Variants in PLEKHA4 observed in about 807,000 individuals in gnomAD.
PLEKHA4 encodes pleckstrin homology domain-containing family A member 4.
PLEKHA4 carries 73 observed loss-of-function variants against 94.7 expected under a neutral mutation model. That is an observed-to-expected ratio of 0.77 (90% CI 0.64 to 0.94). The LOEUF is 0.94. Ranked by LOEUF, PLEKHA4 falls within the 40% of genes least tolerant of loss-of-function variation. The pLI, the probability that PLEKHA4 is intolerant of heterozygous loss-of-function variation, is 0.00. For synonymous variants in PLEKHA4, 449 were observed against 437.1 expected (o/e 1.03, Z -0.34); for missense variants, 1,049 against 1,054.1 (o/e 1.00, Z 0.07).
intron 12 of PLEKHA4, among the ~76,000 whole-genome samples, chr19:48,852,588 C>A (rs2036240275): frequency 6.6e-6 from 1 of 152,086 alleles, no homozygotes; most frequent in Non-Finnish European, 1.5e-5. Flanking sequence ...TCTGCTCTCT[C>A]CTAGGTAGCA....
At chr19:48,863,059 C>T (rs2036704337) in intron 3 of PLEKHA4, among the ~76,000 whole-genome samples, 2 of 151,754 alleles carry the variant, frequency 1.3e-5, no homozygotes, top group Non-Finnish European at 1.5e-5. Context: ...AACTACTCAT[C>T]GCCTCTGCCT....
chr19:48,839,245 C>T lies in PLEKHA4; in HGVS notation c.1924G>A (p.Gly642Arg). ...VEQRPVVGHS[G>R]AQKWLRSSGS... is the part of the protein sequence containing the mutation. ...GAGCTTCTGAGCCATTTCTGGGCTCCCGAGTGTCCTACGACAGGCTGGAAA... is the reference window on the plus strand; with the variant it reads ...GAGCTTCTGAGCCATTTCTGGGCTCTCGAGTGTCCTACGACAGGCTGGAAA... The change falls in exon 18 of 20, where the codon GGA (glycine) becomes AGA (arginine). Residue 642 changes from glycine to arginine, a missense_variant. Transcript: ENST00000263265. 6.3e-7 allele frequency: 1 copy of T among 1,594,240 alleles called. No homozygotes were observed. Among genetic ancestry groups the T allele is most frequent in the Non-Finnish European group, 8.6e-7 (1 of 1,167,002 alleles).
intron 2 of PLEKHA4, among the ~76,000 whole-genome samples, chr19:48,866,269 C>T (rs570657878): frequency 2.0e-5 from 3 of 151,518 alleles, no homozygotes; most frequent in South Asian, 2.1e-4. Flanking sequence ...TTGTAGGGGA[C>T]GGGGGTCTCA....
At chr19:48,857,616 C>G in intron 8 of PLEKHA4, 120 bp from the exon 9 acceptor site, 2 of 646,512 alleles carry the variant, frequency 3.1e-6, no homozygotes, top group South Asian at 3.3e-5. Context: ...TGACCTTACC[C>G]CCAACCCTGT....
At chr19:48,862,323 C>T (rs1421008126) in intron 3 of PLEKHA4, among the ~76,000 whole-genome samples, 1 of 151,088 alleles carries the variant, frequency 6.6e-6, no homozygotes, top group East Asian at 2.0e-4. Context: ...GCCTCAGCCT[C>T]CCGAGTAACT....
rs1045015565 is a variant in PLEKHA4 at position 48,854,086 on chromosome 19, G to A, written c.1097C>T (p.Thr366Met). 9.3e-6 allele frequency: 15 copies of A among 1,614,022 alleles called. No individual in the cohort carries two copies. Among genetic ancestry groups the A allele is most frequent in the East Asian group, 2.2e-5 (1 of 44,894 alleles). Residue 366 changes from threonine (T) to methionine (M), a missense_variant and splice_region_variant, in exon 11 of 20, where the codon ACG becomes ATG. Transcript: ENST00000263265. Reference sequence around the variant, plus strand: ...CTGCCCGCACAACTTGGTCAGCAGCGTCTGGAGAAAGGAGAGCGGGAGCTA... The same window carrying A: ...CTGCCCGCACAACTTGGTCAGCAGCATCTGGAGAAAGGAGAGCGGGAGCTA... Reference protein sequence around the residue: ...STFHQSLETDTLLTKLCGQDR... With the variant: ...STFHQSLETDMLLTKLCGQDR...
At position 48,837,420 on chromosome 19, in the gene PLEKHA4, G is replaced by C. The variant is rs200549837; in HGVS notation, c.2209C>G (p.Arg737Gly). ...ANSGSTGFSRRGSGRGGGPTP... is the reference protein window; with the variant it reads ...ANSGSTGFSRGGSGRGGGPTP... Reference sequence around the variant, plus strand: ...GGACCTCCTCCACGCCCACTCCCTCGGCGAGAGAACCCCGTGGAACCCGAA... The same window carrying C: ...GGACCTCCTCCACGCCCACTCCCTCCGCGAGAGAACCCCGTGGAACCCGAA... The change falls in exon 20 of 20, where the codon CGA becomes GGA. Residue 737 changes from arginine to glycine, a missense_variant. By Grantham distance (125) the Arg-to-Gly change is moderately radical (BLOSUM62 -2). Coordinates refer to ENST00000263265, the MANE Select transcript of PLEKHA4 (RefSeq NM_020904.3). This position sits in a 1 kb window ranked among gnomAD's most constrained non-coding sequence, Gnocchi z 4.3. The C allele has an allele frequency of 5.6e-6, 9 of 1,613,454 alleles. No individual in the cohort carries two copies. Among genetic ancestry groups the C allele is most frequent in the Admixed American group, 1.7e-5 (1 of 59,902 alleles).
chr19:48,861,619 C>A lies in PLEKHA4; in HGVS notation c.265+1G>T, dbSNP rs2036644602. On this transcript the variant is annotated splice_donor_variant, in intron 4 of 19. Transcript: ENST00000263265. LOFTEE classifies it high-confidence loss of function. ...CCCAAGCCAGCCAGCCAGCCACTGACCCTTGTAATAAAAGAGGCAATGGCC... is the reference window on the plus strand; with the variant it reads ...CCCAAGCCAGCCAGCCAGCCACTGAACCTTGTAATAAAAGAGGCAATGGCC... 1 of 1,614,178 alleles carries A rather than the reference C, an allele frequency of 6.2e-7. No individual in the cohort carries two copies. Among genetic ancestry groups the A allele is most frequent in the Admixed American group, 1.7e-5 (1 of 60,018 alleles).
Position 48,845,398 on chromosome 19 carries a change from TGGC to T in PLEKHA4, c.1712_1714del (p.Arg571del). Reference sequence around the variant, plus strand: ...GGTTCCTAGCTGTGGGGAAGGGAGGTGGCGACCCTCAGGGCTGGAAGCCCGGGA... The same window carrying T: ...GGTTCCTAGCTGTGGGGAAGGGAGGTGACCCTCAGGGCTGGAAGCCCGGGA... On this transcript the variant is annotated inframe_deletion, in exon 16 of 20. Coordinates refer to ENST00000263265, the MANE Select transcript of PLEKHA4 (RefSeq NM_020904.3). 6.2e-7 allele frequency: 1 copy of T among 1,613,068 alleles called. No individual in the cohort carries two copies. The highest frequency in any genetic ancestry group is 8.5e-7 in the Non-Finnish European group (1 of 1,179,968).
chr19:48,866,390 C>T (rs1226791660), intron 2 of PLEKHA4, among the ~76,000 whole-genome samples: 1 of 151,976 alleles, frequency 6.6e-6, no homozygotes, highest in African/African-American at 2.4e-5. Context: ...CACTGCAACC[C>T]CTGCCTCTCG....
In PLEKHA4 at chr19:48,847,783, T is replaced by G. The variant is rs115880479; in HGVS notation, c.1566+117A>C. The G allele has an allele frequency of 4.6e-4, 570 of 1,242,224 alleles. 1 individual carries two copies. In the African/African-American group the frequency reaches 7.8e-3, roughly 17 times the overall value. The allele number at this position is 1,242,224 out of a possible 1,614,324, so 77.0% of individuals were successfully genotyped here. On this transcript the variant is annotated intron_variant, in intron 14 of 19. Transcript: ENST00000263265. The stretch of plus-strand genomic sequence containing the variant: ...CAAAGGCTTCCAGAGGTTAGGACAC[T>G]TGTACCAGGTGGGTTAGCTGATCAA...
chr19:48,860,479 G>T lies in PLEKHA4; in HGVS notation c.367-20C>A. 5 of 1,591,930 alleles carry T rather than the reference G, an allele frequency of 3.1e-6. No homozygotes were observed. Among genetic ancestry groups the T allele is most frequent in the Non-Finnish European group, 4.3e-6 (5 of 1,160,088 alleles). ...CTCTGCCTGCGGGAAGAGAAGGCTT[G>T]GAATCCGGACTCCCGGGCCTTGTAA... On this transcript the variant is annotated intron_variant, in intron 5 of 19. Coordinates refer to ENST00000263265, the MANE Select transcript of PLEKHA4 (RefSeq NM_020904.3).
intron 16 of PLEKHA4, chr19:48,844,676 C>T (rs1365153430): frequency 1.0e-6 from 1 of 983,074 alleles, no homozygotes; most frequent in Admixed American, 6.2e-5. Context: ...CAATCAGCAA[C>T]AGACACAGAG....
intron 2 of PLEKHA4, 152 bp from the exon 3 acceptor site, chr19:48,865,762 C>T: frequency 1.7e-6 from 1 of 580,166 alleles, no homozygotes; most frequent in African/African-American, 1.9e-5. Flanking sequence ...CACCTGTAAT[C>T]CCAGCACTTT....
Position 48,838,148 on chromosome 19 carries a change from TTGGGGG to T in PLEKHA4, c.1965-25_1965-20del. ...CCTTGGACTAGAAAAAAAAAGAAGA[TTGGGGG>T]TGGGGGTGTGTACATGGGGGAGAGG... On this transcript the variant is annotated intron_variant, in intron 18 of 19. Transcript: ENST00000263265. 5.8e-5 allele frequency: 82 copies of T among 1,419,594 alleles called. No individual in the cohort carries two copies. Among genetic ancestry groups the T allele is most frequent in the Non-Finnish European group, 7.1e-5 (72 of 1,017,342 alleles). 87.9% of individuals were successfully genotyped at this position (1,419,594 alleles called of 1,614,324 possible).
At position 48,839,562 on chromosome 19, in the gene PLEKHA4, C is replaced by T. The variant is rs111800440; in HGVS notation, c.1906-299G>A. On this transcript the variant is annotated intron_variant, in intron 17 of 19. Coordinates refer to ENST00000263265, the MANE Select transcript of PLEKHA4 (RefSeq NM_020904.3). ...CTGAGTAAATAGAACTACAGGCTCG[C>T]ACCACCATGCCTGGCTAATTATTTT... Among the ~76,000 whole-genome samples the T allele has an allele frequency of 2.8e-4, 42 of 152,190 alleles. 1 individual carries two copies. Among genetic ancestry groups the T allele is most frequent in the South Asian group, 1.9e-3 (9 of 4,824 alleles).
At chr19:48,865,235 T>A (rs1045806055) in intron 3 of PLEKHA4, among the ~76,000 whole-genome samples, 2 of 152,064 alleles carry the variant, frequency 1.3e-5, no homozygotes, top group African/African-American at 4.8e-5. Flanking sequence ...GCCCAGCTAC[T>A]CGGGAGGCTG....
intron 9 of PLEKHA4, among the ~76,000 whole-genome samples, chr19:48,856,754 C>T (rs1472738390): frequency 6.8e-6 from 1 of 147,818 alleles, no homozygotes; most frequent in Non-Finnish European, 1.5e-5. Flanking sequence ...AAAAAATTAG[C>T]CGGGCGTGGT....
chr19:48,857,454 G>T lies in PLEKHA4; in HGVS notation c.1015C>A (p.Pro339Thr). 1 of 1,563,760 alleles carries T rather than the reference G, an allele frequency of 6.4e-7. No individual in the cohort carries two copies. Among genetic ancestry groups the T allele is most frequent in the Non-Finnish European group, 8.6e-7 (1 of 1,160,364 alleles). The change falls in exon 9 of 20, where the codon CCC becomes ACC. Residue 339 changes from proline (P) to threonine (T), a missense_variant. Coordinates refer to ENST00000263265, the MANE Select transcript of PLEKHA4 (RefSeq NM_020904.3). ...ACCATGGAGGCCCGGGTCCCAGGGG[G>T]CCGCGGGGGGAGCTGGAGATAAGTG... ...SPTYLQLPPR[P>T]PGTRASMVLL...
Sources: allele counts gnomAD v4.1 joint callset (sites outside exome capture counted in the v4.1 genomes callset), GRCh38; gene constraint gnomAD v4.1.1; non-coding constraint Gnocchi (gnomAD v3.1); transcripts MANE v1.5; gene names NCBI Gene and HGNC (gene_info 2026-07-23, HGNC 2026-07-21).